Variants in PBRM1 observed in about 807,000 individuals in gnomAD.
The protein encoded by PBRM1 is protein polybromo-1.
A neutral mutation model predicts 194.5 loss-of-function variants in PBRM1; 27 were observed. The observed-to-expected ratio is 0.14, with a 90% CI of 0.10 to 0.19. PBRM1 has a LOEUF of 0.19. Among genes scored for constraint, PBRM1 ranks in the 10% least tolerant of loss-of-function variants. The pLI is 1.00. For missense variants in PBRM1, 1,466 were observed against 2,077.2 expected (o/e 0.71, Z 5.72); for synonymous variants, 655 against 693.2 (o/e 0.94, Z 0.87).
At chr3:52,601,915 C>T (rs889442643) in intron 17 of PBRM1, among the ~76,000 whole-genome samples, 1 of 152,140 alleles carries the variant, frequency 6.6e-6, no homozygotes, top group Non-Finnish European at 1.5e-5. Flanking sequence ...AGCTAGTACC[C>T]GGACCGACAG....
intron 22 of PBRM1, among the ~76,000 whole-genome samples, chr3:52,569,687 A>G (rs2153583707): frequency 6.6e-6 from 1 of 152,342 alleles, no homozygotes; most frequent in Non-Finnish European, 1.5e-5. Context: ...GCATTCATTC[A>G]ATAGCATTTT....
chr3:52,597,154 C>A (rs926241330), intron 17 of PBRM1, among the ~76,000 whole-genome samples: 1 of 152,200 alleles, frequency 6.6e-6, no homozygotes, highest in East Asian at 1.9e-4. Flanking sequence ...CTGTGTCACA[C>A]AGCTGATGCT....
downstream of PBRM1, chr3:52,546,660 A>G (rs950739443): frequency 1.2e-4 from 28 of 232,416 alleles, no homozygotes; most frequent in East Asian, 1.6e-3. Flanking sequence ...GCAATCACCC[A>G]GTTACTATAA....
intron 4 of PBRM1, 87 bp from the exon 6 acceptor site, chr3:52,658,402 A>G: frequency 2.9e-6 from 2 of 687,664 alleles, no homozygotes; most frequent in South Asian, 1.8e-5. Flanking sequence ...GAGCTAATTC[A>G]AAACAGCAAC....
chr3:52,575,369 CT>C (rs1277722874), intron 22 of PBRM1, among the ~76,000 whole-genome samples: 3 of 152,018 alleles, frequency 2.0e-5, no homozygotes, highest in Non-Finnish European at 4.4e-5. Context: ...AAAATGAGCA[CT>C]TTTCAACAAA....
exon 17 of PBRM1, chr3:52,603,544 A>G (rs760331627): frequency 6.3e-7 from 1 of 1,596,780 alleles, no homozygotes; most frequent in Non-Finnish European, 8.6e-7. Context: ...TTCTCGTTTT[A>G]GTTTATCTTC....
intron 13 of PBRM1, 58 bp downstream of exon 15, chr3:52,624,839 T>C: frequency 8.7e-7 from 1 of 1,148,404 alleles, no homozygotes; most frequent in East Asian, 2.6e-5. Flanking sequence ...TCAGTACTGA[T>C]CATGCCACAG....
At chr3:52,558,544 A>C (rs1331346575) in intron 25 of PBRM1, 131 bp from the exon 28 acceptor site, 1 of 733,396 alleles carries the variant, frequency 1.4e-6, no homozygotes, top group East Asian at 2.9e-5. Flanking sequence ...GTAGATGACT[A>C]GTCTCAACAC....
At chr3:52,658,369 A>T (rs1414785051) in intron 4 of PBRM1, 54 bp from the exon 6 acceptor site, 2 of 908,010 alleles carry the variant, frequency 2.2e-6, no homozygotes, top group Non-Finnish European at 1.8e-6. Flanking sequence ...AATGCTGAAT[A>T]TTACATAGCT....
At chr3:52,563,329 G>A (rs767904372) in exon 24 of PBRM1, 1 of 1,614,068 alleles carries the variant, frequency 6.2e-7, no homozygotes, top group Admixed American at 1.7e-5. Context: ...GGCCAGGGGG[G>A]TCTGAAGCTG....
chr3:52,658,408 G>C, intron 4 of PBRM1, 93 bp from the exon 6 acceptor site: 11 of 598,106 alleles, frequency 1.8e-5, no homozygotes, highest in East Asian at 9.5e-5. Context: ...ATTCAAAACA[G>C]CAACTTTTTT....
chr3:52,629,699 A>G (rs1000258196), intron 11 of PBRM1, among the ~76,000 whole-genome samples: 2 of 152,218 alleles, frequency 1.3e-5, no homozygotes, highest in Non-Finnish European at 2.9e-5. Flanking sequence ...ATCAACTATC[A>G]TAAAGCCCTT....
At chr3:52,644,827 G>C (rs2096242420) in intron 7 of PBRM1, 38 bp from the exon 9 acceptor site, 2 of 1,025,450 alleles carry the variant, frequency 2.0e-6, no homozygotes, top group Non-Finnish European at 3.0e-6. Context: ...AAAAGGAACA[G>C]ATAAAAGGAC....
At chr3:52,586,214 G>A (rs1475718945) in intron 20 of PBRM1, 4 of 445,818 alleles carry the variant, frequency 9.0e-6, no homozygotes, top group South Asian at 3.4e-5. Flanking sequence ...GATTACAGGC[G>A]TGAACCAATG....
At chr3:52,563,317 C>T in exon 24 of PBRM1, 4 of 1,614,118 alleles carry the variant, frequency 2.5e-6, no homozygotes, top group Middle Eastern at 3.3e-4. Flanking sequence ...GTCCAGCTCA[C>T]TGGCCAGGGG....
intron 7 of PBRM1, among the ~76,000 whole-genome samples, chr3:52,646,825 T>C (rs1317044163): frequency 6.6e-6 from 1 of 152,154 alleles, no homozygotes; most frequent in African/African-American, 2.4e-5. Flanking sequence ...AAAACATAGG[T>C]GTAAATCTTT....
At chr3:52,576,724 C>T (rs752362330) in intron 21 of PBRM1, 26 bp from the exon 24 acceptor site, 1 of 1,539,016 alleles carries the variant, frequency 6.5e-7, no homozygotes, top group Non-Finnish European at 8.8e-7. Flanking sequence ...ATATAAATTA[C>T]ATTAAAATAG....
chr3:52,678,718 A>G, intron 1 of PBRM1, 121 bp from the exon 3 acceptor site: 1 of 610,258 alleles, frequency 1.6e-6, no homozygotes, highest in Non-Finnish European at 2.9e-6. Context: ...GATGACTCTC[A>G]ATATTACCAA....
intron 4 of PBRM1, among the ~76,000 whole-genome samples, chr3:52,659,360 A>T (rs1211229804): frequency 6.6e-6 from 1 of 152,202 alleles, no homozygotes; most frequent in African/African-American, 2.4e-5. Flanking sequence ...GGTTTAAATC[A>T]TAAAAGTACT....
Sources: allele counts gnomAD v4.1 joint callset (sites outside exome capture counted in the v4.1 genomes callset), GRCh38; gene constraint gnomAD v4.1.1; transcripts MANE v1.5; gene names NCBI Gene and HGNC (gene_info 2026-07-23, HGNC 2026-07-21).